The following PCDHGB2 variants were observed in gnomAD, a reference collection of about 807,000 sequenced individuals.
The protein encoded by PCDHGB2 is protocadherin gamma-B2.
In PCDHGB2, 55 loss-of-function variants were observed where a neutral mutation model predicts 59.3. That is an observed-to-expected ratio of 0.93 (90% confidence interval 0.75 to 1.16). The LOEUF is 1.16. PCDHGB2 is among the 50% of genes most tolerant of loss of function. PCDHGB2 has a pLI of 0.00. For missense variants in PCDHGB2, 1,228 were observed against 1,198.5 expected (o/e 1.02, Z -0.36); for synonymous variants, 516 against 512.0 (o/e 1.01, Z -0.11).
Position 141,395,542 on chromosome 5 carries a change from TTGTGTGTGTGTG to T in PCDHGB2, c.2421+33024_2421+33035del, listed in dbSNP as rs55729045. ...TCCATACTGGTAATTTTGCTATTGT[TTGTGTGTGTGTG>T]TGTGTGTGTGTGTGTGTGTGTGTGT... is the stretch of plus-strand genomic sequence containing the variant. On this transcript the variant is annotated intron_variant, in intron 1 of 3. Coordinates refer to ENST00000522605, the MANE Select transcript of PCDHGB2 (RefSeq NM_018923.3). 188 of 172,586 alleles carry T rather than the reference TTGTGTGTGTGTG, an allele frequency of 1.1e-3. 1 individual carries two copies. Among genetic ancestry groups the T allele is most frequent in the African/African-American group, 5.0e-3 (88 of 17,544 alleles). 10.7% of individuals were successfully genotyped at this position (172,586 alleles called of 1,614,324 possible).
chr5:141,365,849 A>G (rs773114118), intron 1 of PCDHGB2: 49 of 1,613,994 alleles, frequency 3.0e-5, no homozygotes, highest in Middle Eastern at 3.3e-4. Flanking sequence ...CTATGTATCC[A>G]TTAACTCTGA....
Position 141,431,669 on chromosome 5 carries a change from A to G in PCDHGB2, c.2422-63138A>G, listed in dbSNP as rs2154554523. ...TTGTAATTCAGGGACAATATCAACA[A>G]TAGGGGAGTTGGACCACGAGGAGTC... On this transcript the variant is annotated intron_variant, in intron 1 of 3. Transcript: ENST00000522605. The surrounding 1 kb of genome is among the most constrained non-coding windows in gnomAD (Gnocchi z 4.8). 2 of 1,614,210 alleles carry G rather than the reference A, an allele frequency of 1.2e-6. No individual in the cohort carries two copies. Among genetic ancestry groups the G allele is most frequent in the South Asian group, 1.1e-5 (1 of 91,084 alleles).
intron 1 of PCDHGB2, chr5:141,383,555 A>G: frequency 6.2e-7 from 1 of 1,611,868 alleles, no homozygotes; most frequent in East Asian, 2.2e-5. Context: ...GATGGCGGCG[A>G]CCCGCCCCGA....
chr5:141,364,807 T>A, intron 1 of PCDHGB2: 1 of 1,614,018 alleles, frequency 6.2e-7, no homozygotes, highest in Non-Finnish European at 8.5e-7. Flanking sequence ...TCGCGCGGGA[T>A]GCGGATGTGG....
chr5:141,478,142 G>T (rs774271595), intron 1 of PCDHGB2: 8 of 1,613,988 alleles, frequency 5.0e-6, no homozygotes, highest in Non-Finnish European at 6.8e-6. Flanking sequence ...AGCCCGAGCC[G>T]AGTTCCCCTC....
At chr5:141,442,417 T>A (rs2098323611) in intron 1 of PCDHGB2, 1 of 152,152 alleles carries the variant, frequency 6.6e-6, no homozygotes, top group Non-Finnish European at 1.5e-5. Flanking sequence ...TGAGTGAACT[T>A]CTTTTTTGAA....
At chr5:141,424,297 A>G (rs2096812591) in intron 1 of PCDHGB2, 1 of 152,466 alleles carries the variant, frequency 6.6e-6, no homozygotes, top group African/African-American at 2.4e-5. Flanking sequence ...TCTTCATCCT[A>G]TCAACACAGA....
chr5:141,393,520 A>G, intron 1 of PCDHGB2: 2 of 1,614,038 alleles, frequency 1.2e-6, no homozygotes, highest in Non-Finnish European at 1.7e-6. Context: ...TTGGATACAA[A>G]TGACAATGCC....
In PCDHGB2 at chr5:141,362,239, CTCT is replaced by C. The variant is rs1588573433; in HGVS notation, c.2110_2112del (p.Phe704del). ...TGTGGCCTTGGCCTTGATCTCAGTG[CTCT>C]TCTTCCTCGCGGTGATTCTGGCAAT... On this transcript the variant is annotated inframe_deletion, in exon 1 of 4. Transcript: ENST00000522605. 2 of 1,614,060 alleles carry C rather than the reference CTCT, an allele frequency of 1.2e-6. No homozygotes were observed. Among genetic ancestry groups the C allele is most frequent in the East Asian group, 2.2e-5 (1 of 44,884 alleles).
intron 1 of PCDHGB2, among the ~76,000 whole-genome samples, chr5:141,436,832 C>T (rs1242760381): frequency 6.6e-6 from 1 of 152,172 alleles, no homozygotes; most frequent in African/African-American, 2.4e-5. Flanking sequence ...ATCTTAAGTG[C>T]CTAGGCACAT....
chr5:141,386,566 T>C (rs577943993), intron 1 of PCDHGB2, among the ~76,000 whole-genome samples: 30 of 152,200 alleles, frequency 2.0e-4, no homozygotes, highest in African/African-American at 7.2e-4. Flanking sequence ...TTGCACATGA[T>C]AGACTCTGTA....
intron 1 of PCDHGB2, chr5:141,365,776 C>A (rs764374830): frequency 6.2e-7 from 1 of 1,613,892 alleles, no homozygotes; most frequent in East Asian, 2.2e-5. Flanking sequence ...CCGACAGCGG[C>A]GACAACGCTC....
chr5:141,510,420 G>A (rs1275392355), intron 3 of PCDHGB2, among the ~76,000 whole-genome samples: 2 of 152,126 alleles, frequency 1.3e-5, no homozygotes, highest in Non-Finnish European at 2.9e-5. Flanking sequence ...TAAAGCCATG[G>A]TTTCATGGCT....
chr5:141,392,690 G>T, intron 1 of PCDHGB2: 1 of 1,127,490 alleles, frequency 8.9e-7, no homozygotes, highest in Non-Finnish European at 1.2e-6. Flanking sequence ...AGCGAAACCC[G>T]ACCCCTGTTT....
rs200765071 is a variant in PCDHGB2 at position 141,374,360 on chromosome 5, G to A, written c.2421+11804G>A. 304 of 1,613,908 alleles carry A rather than the reference G, an allele frequency of 1.9e-4. No homozygotes were observed. The highest frequency in any genetic ancestry group is 4.2e-4 in the Admixed American group (25 of 60,006). On this transcript the variant is annotated intron_variant, in intron 1 of 3. Transcript: ENST00000522605. ...GGTCACCGCGGGTAGGATAGACCGC[G>A]AGGAGCTCTGTGCTCAGAGCCCGCG...
chr5:141,389,791 TC>T (rs754420674), intron 1 of PCDHGB2: 1 of 1,613,408 alleles, frequency 6.2e-7, no homozygotes, highest in Non-Finnish European at 8.5e-7. Context: ...AGGGACGCCG[TC>T]CGCCAGCGCC....
rs1390278177 is a variant in PCDHGB2, at chr5:141,366,317, G to A, written c.2421+3761G>A. The A allele has an allele frequency of 1.9e-6, 3 of 1,613,628 alleles. No homozygotes were observed. In the South Asian group the frequency reaches 3.3e-5, roughly 18 times the overall value. ...GTCAGCCACCTTCACGGTCACCGTT[G>A]CCGTGGCCGACAGGATCCCTGACAT... On this transcript the variant is annotated intron_variant, in intron 1 of 3. Coordinates refer to ENST00000522605, the MANE Select transcript of PCDHGB2 (RefSeq NM_018923.3).
In PCDHGB2 at chr5:141,418,596, T is replaced by C; in HGVS notation, c.2421+56040T>C. On this transcript the variant is annotated intron_variant, in intron 1 of 3. Coordinates refer to ENST00000522605, the MANE Select transcript of PCDHGB2 (RefSeq NM_018923.3). Reference sequence around the variant, plus strand: ...AACCCCCCAGTGTTCAGCCAGGACGTGTACAGGGTTAGCCTTCGGGAAGAC... The same window carrying C: ...AACCCCCCAGTGTTCAGCCAGGACGCGTACAGGGTTAGCCTTCGGGAAGAC... 8.7e-6 allele frequency: 14 copies of C among 1,614,046 alleles called. No individual in the cohort carries two copies. The highest frequency in any genetic ancestry group is 1.1e-5 in the Non-Finnish European group (13 of 1,179,906).
chr5:141,448,706 C>G (rs1344013319), intron 1 of PCDHGB2, among the ~76,000 whole-genome samples: 1 of 151,732 alleles, frequency 6.6e-6, no homozygotes, highest in African/African-American at 2.4e-5. Context: ...TTTGGGAGGC[C>G]GAGGCGGGAG....
Sources: gnomAD v4.1 joint callset for allele counts (sites outside exome capture counted in the v4.1 genomes callset) on GRCh38, gnomAD v4.1.1 for gene constraint, Gnocchi (gnomAD v3.1) non-coding constraint, MANE v1.5 for transcripts, NCBI Gene and HGNC (gene_info 2026-07-23, HGNC 2026-07-21) for gene names.